Variants in KCNIP4 observed in about 807,000 individuals in gnomAD.
The protein encoded by KCNIP4 is potassium voltage-gated channel interacting protein 4.
A neutral mutation model predicts 34.0 loss-of-function variants in KCNIP4; 12 were observed. That is an observed-to-expected ratio of 0.35 (90% CI 0.23 to 0.57). KCNIP4 has a LOEUF of 0.57. KCNIP4 is among the 20% of genes least tolerant of loss of function. KCNIP4 has a pLI of 0.83. For synonymous variants in KCNIP4, 124 were observed against 102.2 expected (o/e 1.21, Z -1.29); for missense variants, 238 against 311.7 (o/e 0.76, Z 1.78).
intron 1 of KCNIP4, among the ~76,000 whole-genome samples, chr4:21,517,279 C>A (rs980959721): frequency 6.6e-6 from 1 of 152,086 alleles, no homozygotes; most frequent in Non-Finnish European, 1.5e-5. Flanking sequence ...TGTAAATAAC[C>A]ATAAACACAG....
intron 1 of KCNIP4, among the ~76,000 whole-genome samples, chr4:21,899,374 A>G (rs1727579843): frequency 6.6e-6 from 1 of 152,168 alleles, no homozygotes. Flanking sequence ...TAACATCTGG[A>G]ACAAGAAAAG....
At chr4:20,954,906 C>T (rs1375345543) in intron 1 of KCNIP4, among the ~76,000 whole-genome samples, 1 of 152,158 alleles carries the variant, frequency 6.6e-6, no homozygotes. Flanking sequence ...TGAATTGACT[C>T]ATCTTTTTCA....
chr4:21,013,309 A>G (rs904153136), intron 1 of KCNIP4, among the ~76,000 whole-genome samples: 6 of 152,144 alleles, frequency 3.9e-5, no homozygotes, highest in Non-Finnish European at 8.8e-5. Flanking sequence ...GAAGACTTTC[A>G]GGGAGGTAGA....
At chr4:21,563,151 A>C (rs1577601128) in intron 1 of KCNIP4, among the ~76,000 whole-genome samples, 2 of 151,914 alleles carry the variant, frequency 1.3e-5, no homozygotes, top group Admixed American at 1.3e-4. Flanking sequence ...AATGCTAATA[A>C]CTACTAGATT....
intron 1 of KCNIP4, among the ~76,000 whole-genome samples, chr4:20,931,381 C>T (rs879862093): frequency 6.6e-6 from 1 of 152,010 alleles, no homozygotes; most frequent in Non-Finnish European, 1.5e-5. Context: ...CCGAAAAACG[C>T]AACATCATTT....
Position 21,773,767 on chromosome 4 carries a change from G to GTTTTTTTTTTGTTTTT in KCNIP4, c.61+174803_61+174804insAAAAACAAAAAAAAAA, listed in dbSNP as rs373554454. On this transcript the variant is annotated intron_variant, in intron 1 of 8. Transcript: ENST00000382152. ...GTTGTTTTTTTTTTTTTGTTTGTTT[G>GTTTTTTTTTTGTTTTT]TTTTTGTTTTGTTTACCATTTGCTT... Among the ~76,000 whole-genome samples the GTTTTTTTTTTGTTTTT allele has an allele frequency of 7.1e-4, 98 of 138,316 alleles. 1 individual carries two copies. The highest frequency in any genetic ancestry group is 2.7e-3 in the African/African-American group (88 of 33,110). The allele number at this position is 138,316 out of a possible 152,430, so 90.7% of individuals were successfully genotyped here.
chr4:21,266,102 T>C (rs575151489), intron 1 of KCNIP4, among the ~76,000 whole-genome samples: 2 of 152,326 alleles, frequency 1.3e-5, no homozygotes, highest in East Asian at 3.9e-4. Flanking sequence ...GATACTCACT[T>C]AAATGTCAAG....
chr4:21,393,981 TG>T (rs1013775174), intron 1 of KCNIP4, among the ~76,000 whole-genome samples: 1 of 152,166 alleles, frequency 6.6e-6, no homozygotes, highest in African/African-American at 2.4e-5. Context: ...ATTTACCAAG[TG>T]TTGGTTCAAT....
chr4:21,754,409 C>T (rs1717370063), intron 1 of KCNIP4, among the ~76,000 whole-genome samples: 1 of 152,166 alleles, frequency 6.6e-6, no homozygotes, highest in Admixed American at 6.5e-5. Context: ...TTGGTTAATT[C>T]ATTGCTGAGT....
intron 1 of KCNIP4, among the ~76,000 whole-genome samples, chr4:20,922,241 T>G (rs933510230): frequency 1.3e-5 from 2 of 152,180 alleles, no homozygotes; most frequent in Non-Finnish European, 2.9e-5. Context: ...TGGAAGAGAT[T>G]AGTATTTCTA....
intron 1 of KCNIP4, among the ~76,000 whole-genome samples, chr4:21,823,828 A>G (rs552602533): frequency 6.6e-6 from 1 of 151,792 alleles, no homozygotes; most frequent in Non-Finnish European, 1.5e-5. Flanking sequence ...CACACACATA[A>G]AAAAAAATGA....
intron 1 of KCNIP4, among the ~76,000 whole-genome samples, chr4:20,889,280 A>G (rs528786279): frequency 6.6e-6 from 1 of 152,270 alleles, no homozygotes; most frequent in African/African-American, 2.4e-5. Flanking sequence ...AGAAGCAGGG[A>G]AAATATTTTA....
At chr4:21,505,178 AG>A (rs1733730384) in intron 1 of KCNIP4, among the ~76,000 whole-genome samples, 1 of 152,118 alleles carries the variant, frequency 6.6e-6, no homozygotes, top group Non-Finnish European at 1.5e-5. Flanking sequence ...TAAAGTTTAG[AG>A]AGACATGTTC....
intron 1 of KCNIP4, among the ~76,000 whole-genome samples, chr4:21,722,561 G>A (rs1481297177): frequency 6.6e-6 from 1 of 152,238 alleles, no homozygotes; most frequent in East Asian, 1.9e-4. Flanking sequence ...CTTACTTTCA[G>A]TTAGGATATG....
intron 1 of KCNIP4, among the ~76,000 whole-genome samples, chr4:21,746,594 A>T (rs201789245): frequency 0.023 from 324 of 14,056 alleles, 2 homozygotes; most frequent in African/African-American, 0.18. Flanking sequence ...AGAAAAAATA[A>T]AAAAAAAAGC....
At chr4:21,379,288 A>G (rs908125549) in intron 1 of KCNIP4, among the ~76,000 whole-genome samples, 1 of 152,146 alleles carries the variant, frequency 6.6e-6, no homozygotes, top group Non-Finnish European at 1.5e-5. Context: ...ACTTCTCACC[A>G]CTTCCAGGCT....
intron 1 of KCNIP4, among the ~76,000 whole-genome samples, chr4:21,769,772 A>G (rs577481173): frequency 8.5e-5 from 13 of 152,102 alleles, no homozygotes; most frequent in Non-Finnish European, 1.9e-4. Flanking sequence ...ATGTCTATTA[A>G]TGGGCTAGCC....
chr4:20,736,446 A>C (rs1016179834), intron 5 of KCNIP4, among the ~76,000 whole-genome samples: 1 of 152,176 alleles, frequency 6.6e-6, no homozygotes, highest in African/African-American at 2.4e-5. Flanking sequence ...TATGAAAGCC[A>C]TTGATTTCTG....
chr4:21,443,371 G>T (rs116552680), intron 1 of KCNIP4, among the ~76,000 whole-genome samples: 2 of 152,100 alleles, frequency 1.3e-5, no homozygotes, highest in Non-Finnish European at 2.9e-5. Context: ...ACTCCATACT[G>T]CTGTAGAATA....
Sources: gnomAD v4.1 joint callset for allele counts (sites outside exome capture counted in the v4.1 genomes callset) on GRCh38, gnomAD v4.1.1 for gene constraint, MANE v1.5 for transcripts, NCBI Gene and HGNC (gene_info 2026-07-23, HGNC 2026-07-21) for gene names.